The following CDC16 variants were observed in gnomAD, a reference collection of about 807,000 sequenced individuals.
CDC16 encodes cell division cycle 16, also known as cell division cycle protein 16 homolog.
Under a neutral mutation model 87.0 loss-of-function variants are expected in CDC16, and 34 were observed. The observed-to-expected ratio is 0.39, with a 90% CI of 0.30 to 0.52. The LOEUF (loss-of-function observed/expected upper bound fraction) is 0.52. Ranked by LOEUF, CDC16 falls within the 20% of genes least tolerant of loss-of-function variation. The pLI, the probability that CDC16 is intolerant of heterozygous loss-of-function variation, is 0.74. For synonymous variants in CDC16, 263 were observed against 260.6 expected (o/e 1.01, Z -0.09); for missense variants, 653 against 751.9 (o/e 0.87, Z 1.54).
chr13:114,247,986 C>G (rs2081964343), intron 11 of CDC16, among the ~76,000 whole-genome samples: 2 of 152,092 alleles, frequency 1.3e-5, no homozygotes, highest in South Asian at 4.1e-4. Context: ...TAACCTTTTA[C>G]TTTTAGGATT....
intron 17 of CDC16, among the ~76,000 whole-genome samples, chr13:114,265,798 C>CTTTA (rs2083171380): frequency 1.3e-5 from 2 of 150,504 alleles, no homozygotes; most frequent in South Asian, 4.2e-4. Flanking sequence ...AGCTTGCTAA[C>CTTTA]TCCCGTTCCT....
At position 114,234,927 on chromosome 13, in the gene CDC16, T is replaced by A; in HGVS notation, c.-158T>A. ...ACGGGGCCTGGGTGGGGGGTGCGGG[T>A]GTGGGTGGGGACCTGCGGCCTTCGA... On this transcript the variant is annotated 5_prime_UTR_variant, in exon 1 of 18. Coordinates refer to ENST00000356221, the MANE Select transcript of CDC16 (RefSeq NM_001078645.3). 1 of 391,614 alleles carries A rather than the reference T, an allele frequency of 2.6e-6. No homozygotes were observed. Among genetic ancestry groups the A allele is most frequent in the Non-Finnish European group, 4.2e-6 (1 of 236,764 alleles). 24.3% of individuals were successfully genotyped at this position (391,614 alleles called of 1,614,324 possible). A position where few individuals can be genotyped will look rare whatever the true frequency, so the allele number is the denominator to read the frequency against.
intron 4 of CDC16, 36 bp from the exon 5 acceptor site, chr13:114,239,314 C>T (rs769642809): frequency 4.0e-5 from 63 of 1,571,224 alleles, no homozygotes; most frequent in East Asian, 2.0e-4. Context: ...TGTTAGAAGT[C>T]GTGAGTGATG....
At chr13:114,250,218 C>G (rs779420950) in intron 11 of CDC16, among the ~76,000 whole-genome samples, 1 of 151,904 alleles carries the variant, frequency 6.6e-6, no homozygotes, top group South Asian at 2.1e-4. Context: ...ATAGGCTGGG[C>G]GCAGTGGCTC....
At chr13:114,263,997 G>A (rs528057744) in intron 16 of CDC16, among the ~76,000 whole-genome samples, 10 of 152,268 alleles carry the variant, frequency 6.6e-5, no homozygotes, top group Non-Finnish European at 1.3e-4. Flanking sequence ...TAGAATCAGT[G>A]AACTAATGGT....
At chr13:114,248,930 A>G (rs1039473623) in intron 11 of CDC16, among the ~76,000 whole-genome samples, 2 of 151,852 alleles carry the variant, frequency 1.3e-5, no homozygotes, top group Non-Finnish European at 2.9e-5. Flanking sequence ...GGTCCCCAAC[A>G]TTTTTGGCAC....
chr13:114,240,057 C>T (rs573169476), intron 5 of CDC16, among the ~76,000 whole-genome samples: 6 of 152,012 alleles, frequency 3.9e-5, no homozygotes, highest in Admixed American at 1.3e-4. Flanking sequence ...ATATGCCATG[C>T]AGTTCCCCCA....
At chr13:114,239,751 C>T (rs2081449487) in intron 5 of CDC16, among the ~76,000 whole-genome samples, 2 of 152,204 alleles carry the variant, frequency 1.3e-5, no homozygotes, top group African/African-American at 2.4e-5. Flanking sequence ...CCTTAAGCTA[C>T]TCCCTAAAAG....
chr13:114,245,899 G>A, intron 9 of CDC16, 101 bp from the exon 10 acceptor site: 1 of 682,136 alleles, frequency 1.5e-6, no homozygotes. Flanking sequence ...AATCATTGCT[G>A]TAAGAGCAGA....
chr13:114,236,036 AGACTGAG>A (rs931380122), intron 1 of CDC16, among the ~76,000 whole-genome samples: 5 of 151,786 alleles, frequency 3.3e-5, no homozygotes, highest in African/African-American at 1.2e-4. Flanking sequence ...AGACTGTAGA[AGACTGAG>A]GACTGAGGAG....
intron 16 of CDC16, chr13:114,264,935 T>G: frequency 2.2e-6 from 1 of 460,914 alleles, no homozygotes; most frequent in Non-Finnish European, 4.0e-6. Context: ...AAAATCTTTT[T>G]TGGGGTAGAT....
At chr13:114,266,272 G>T (rs1037588323) in intron 17 of CDC16, among the ~76,000 whole-genome samples, 2 of 152,200 alleles carry the variant, frequency 1.3e-5, no homozygotes, top group African/African-American at 4.8e-5. Context: ...CTAAAACGGG[G>T]TCTGTGGCAC....
intron 11 of CDC16, among the ~76,000 whole-genome samples, chr13:114,247,548 C>A (rs914209932): frequency 2.0e-5 from 3 of 151,932 alleles, no homozygotes; most frequent in African/African-American, 7.3e-5. Flanking sequence ...GTGATGTAGA[C>A]CCTATTCTCA....
At chr13:114,271,454 T>C (rs2083647655) in intron 17 of CDC16, among the ~76,000 whole-genome samples, 1 of 151,946 alleles carries the variant, frequency 6.6e-6, no homozygotes, top group Non-Finnish European at 1.5e-5. Context: ...ATAAGATTGG[T>C]GACTATACCC....
chr13:114,258,423 T>A (rs1454869046), intron 13 of CDC16, among the ~76,000 whole-genome samples: 1 of 152,200 alleles, frequency 6.6e-6, no homozygotes, highest in Non-Finnish European at 1.5e-5. Context: ...CTTCTTGTGG[T>A]CTATTTAGTG....
In CDC16 at chr13:114,272,576, G is replaced by A. The variant is rs1427527057; in HGVS notation, c.*133G>A. 2.9e-6 allele frequency: 2 copies of A among 696,082 alleles called. No homozygotes were observed. The highest frequency in any genetic ancestry group is 3.2e-5 in the Admixed American group (1 of 31,710). 43.1% of individuals were successfully genotyped at this position (696,082 alleles called of 1,614,324 possible). A position where few individuals can be genotyped will look rare whatever the true frequency, so the allele number is the denominator to read the frequency against. ...TCTCTACATTTAGGAACAGAGACCC[G>A]CCTTAAGAGACTGGATCGCACACCT... On this transcript the variant is annotated 3_prime_UTR_variant, in exon 18 of 18. Coordinates refer to ENST00000356221, the MANE Select transcript of CDC16 (RefSeq NM_001078645.3).
intron 5 of CDC16, among the ~76,000 whole-genome samples, chr13:114,241,405 C>A (rs1374110174): frequency 6.6e-6 from 1 of 152,204 alleles, no homozygotes; most frequent in Non-Finnish European, 1.5e-5. Context: ...ACTGCTGTGA[C>A]CACTCTGCTG....
At chr13:114,239,126 G>A in intron 4 of CDC16, 98 bp downstream of exon 4, 1 of 1,505,814 alleles carries the variant, frequency 6.6e-7, no homozygotes, top group Non-Finnish European at 9.1e-7. Flanking sequence ...GAGCTTAGCA[G>A]GTTAGTAAAG....
chr13:114,244,757 G>C (rs2081754935), intron 8 of CDC16, 133 bp from the exon 9 acceptor site: 1 of 506,824 alleles, frequency 2.0e-6, no homozygotes, highest in Non-Finnish European at 3.6e-6. Flanking sequence ...GAAGATAATG[G>C]AGTGAAGAAA....
Sources: allele counts gnomAD v4.1 joint callset (sites outside exome capture counted in the v4.1 genomes callset), GRCh38; gene constraint gnomAD v4.1.1; transcripts MANE v1.5; gene names NCBI Gene and HGNC (gene_info 2026-07-23, HGNC 2026-07-21).